Variants in TENM1 observed in about 807,000 individuals in gnomAD.
TENM1 encodes the protein teneurin transmembrane protein 1, also known as teneurin-1.
In TENM1, 35 loss-of-function variants were observed where a neutral mutation model predicts 174.8. The observed-to-expected ratio is 0.20, with a 90% CI of 0.15 to 0.27. TENM1 has a LOEUF of 0.27. Ranked by LOEUF, TENM1 falls within the 10% of genes least tolerant of loss-of-function variation. The pLI is 1.00. For missense variants in TENM1, 1,633 were observed against 2,130.1 expected (o/e 0.77, Z 4.59); for synonymous variants, 781 against 798.7 (o/e 0.98, Z 0.37).
At chrX:124,766,422 A>G (rs183832134) in intron 3 of TENM1, among the ~76,000 whole-genome samples, 1 of 111,871 alleles carries the variant, frequency 8.9e-6, no homozygotes, top group Admixed American at 9.5e-5. Flanking sequence ...TTGTTTCATG[A>G]AACTTTTGTT....
intron 1 of TENM1, among the ~76,000 whole-genome samples, chrX:124,897,571 A>T (rs952161700): frequency 3.5e-5 from 4 of 112,680 alleles, no homozygotes; most frequent in African/African-American, 1.3e-4. Context: ...TAAGGGTTTA[A>T]CAAAAAATTC....
chrX:124,554,876 A>G (rs948018805), intron 14 of TENM1, among the ~76,000 whole-genome samples: 1 of 111,911 alleles, frequency 8.9e-6, no homozygotes, highest in Admixed American at 9.5e-5. Context: ...CTTTTAGGCA[A>G]TTAACTTATT....
chrX:124,472,559 T>C (rs1160598854), intron 22 of TENM1, among the ~76,000 whole-genome samples: 1 of 110,548 alleles, frequency 9.0e-6, no homozygotes, highest in African/African-American at 3.3e-5. Flanking sequence ...TGAACTTCTT[T>C]ACTCTATTTC....
chrX:124,393,883 G>A (rs756231120), intron 27 of TENM1, among the ~76,000 whole-genome samples: 3 of 112,063 alleles, frequency 2.7e-5, no homozygotes, highest in Admixed American at 9.5e-5. Flanking sequence ...TTCCATCTGC[G>A]CCTTAGTTTT....
chrX:124,830,898 T>C (rs2056274483), intron 3 of TENM1, among the ~76,000 whole-genome samples: 1 of 111,859 alleles, frequency 8.9e-6, no homozygotes, highest in Non-Finnish European at 1.9e-5. Context: ...ATATATGTCA[T>C]AAGCCACTGG....
At chrX:124,968,749 G>A (rs1209086095), upstream of TENM1, among the ~76,000 whole-genome samples, 1 of 111,632 alleles carries the variant, frequency 9.0e-6, no homozygotes, top group Admixed American at 9.6e-5. Flanking sequence ...AAACTTTCCA[G>A]GTCTCTCAAA....
chrX:124,544,901 G>C (rs1439522258), intron 15 of TENM1, among the ~76,000 whole-genome samples: 2 of 111,561 alleles, frequency 1.8e-5, no homozygotes, highest in African/African-American at 6.6e-5. Flanking sequence ...ATAATGTGAG[G>C]ATAAAAGGAC....
the TENM1 span, among the ~76,000 whole-genome samples, chrX:125,179,905 T>C: frequency 9.5e-6 from 1 of 105,256 alleles, no homozygotes; most frequent in Admixed American, 1.1e-4. Context: ...TCATCTCTTA[T>C]CTAGCTTTTA....
chrX:124,860,100 A>C (rs763214115), intron 3 of TENM1, among the ~76,000 whole-genome samples: 64 of 112,153 alleles, frequency 5.7e-4, no homozygotes, highest in African/African-American at 2.0e-3. Flanking sequence ...AAAATCGTGA[A>C]ATTTAGGGGC....
chrX:124,524,971 G>C (rs1000534565), intron 16 of TENM1, among the ~76,000 whole-genome samples: 5 of 112,089 alleles, frequency 4.5e-5, no homozygotes, highest in African/African-American at 1.6e-4. Context: ...ACAGGAGAGA[G>C]ATGTAAGCAA....
the TENM1 span, among the ~76,000 whole-genome samples, chrX:125,161,495 G>T: frequency 9.0e-6 from 1 of 111,669 alleles, no homozygotes; most frequent in Non-Finnish European, 1.9e-5. Flanking sequence ...CAATGTGGAT[G>T]AACCTTGAAA....
intron 28 of TENM1, among the ~76,000 whole-genome samples, chrX:124,388,271 C>T (rs933203130): frequency 2.7e-5 from 3 of 111,020 alleles, no homozygotes; most frequent in Admixed American, 9.6e-5. Flanking sequence ...ATTTATGGCA[C>T]GTCGTTGTTA....
At chrX:124,524,257 C>CAGATT (rs2047922964) in intron 16 of TENM1, among the ~76,000 whole-genome samples, 1 of 111,789 alleles carries the variant, frequency 8.9e-6, no homozygotes, top group Non-Finnish European at 1.9e-5. Context: ...CACAGCTGCT[C>CAGATT]CCCTTATGCT....
chrX:125,201,774 A>G, the TENM1 span, among the ~76,000 whole-genome samples: 1 of 111,885 alleles, frequency 8.9e-6, no homozygotes, highest in Non-Finnish European at 1.9e-5. Flanking sequence ...TTATTTTGTC[A>G]TACCTGAAAG....
chrX:124,746,341 A>T (rs1055771279), intron 3 of TENM1, among the ~76,000 whole-genome samples: 3 of 111,336 alleles, frequency 2.7e-5, no homozygotes, highest in Non-Finnish European at 5.6e-5. Flanking sequence ...TGAAATGTTC[A>T]TTGATTGATT....
At chrX:124,756,195 T>C (rs1194576801) in intron 3 of TENM1, among the ~76,000 whole-genome samples, 1 of 84,645 alleles carries the variant, frequency 1.2e-5, no homozygotes, top group Non-Finnish European at 2.1e-5. Context: ...TTTCTTTTTA[T>C]TTTTTTTTTC....
At chrX:125,033,958 T>G in the TENM1 span, among the ~76,000 whole-genome samples, 2 of 112,040 alleles carry the variant, frequency 1.8e-5, no homozygotes, top group South Asian at 7.4e-4. Flanking sequence ...ACTTTGGATG[T>G]CTATTTTGCC....
At chrX:124,863,507 G>C (rs764154270) in intron 3 of TENM1, among the ~76,000 whole-genome samples, 1 of 112,122 alleles carries the variant, frequency 8.9e-6, no homozygotes, top group Non-Finnish European at 1.9e-5. Context: ...TGGGGTGGCG[G>C]TAACTACCAG....
At chrX:124,388,818 T>C (rs1245742852) in intron 28 of TENM1, among the ~76,000 whole-genome samples, 1 of 112,370 alleles carries the variant, frequency 8.9e-6, no homozygotes, top group East Asian at 2.8e-4. Flanking sequence ...TCGTTCTGTC[T>C]CTCTAGGCAG....
Sources: gnomAD v4.1 joint callset for allele counts (sites outside exome capture counted in the v4.1 genomes callset) on GRCh38, gnomAD v4.1.1 for gene constraint, MANE v1.5 for transcripts, NCBI Gene and HGNC (gene_info 2026-07-23, HGNC 2026-07-21) for gene names.